Variants in STK33 observed in about 807,000 individuals in gnomAD.
STK33 encodes serine/threonine kinase 33, also known as serine/threonine-protein kinase 33.
Under a neutral mutation model 58.0 loss-of-function variants are expected in STK33, and 52 were observed. That is an observed-to-expected ratio of 0.90 (90% CI 0.72 to 1.13). STK33 has a LOEUF of 1.13. Ranked by LOEUF, STK33 falls within the 50% of genes most tolerant of loss-of-function variation. STK33 has a pLI of 0.00. For missense variants in STK33, 630 were observed against 604.2 expected, an observed-to-expected ratio of 1.04 and a Z score of -0.45; for synonymous variants, 215 against 200.1, an observed-to-expected ratio of 1.07 and a Z score of -0.63.
chr11:8,442,200 G>A (rs1944846341), intron 11 of STK33, among the ~76,000 whole-genome samples: 1 of 152,258 alleles, frequency 6.6e-6, no homozygotes, highest in South Asian at 2.1e-4. Flanking sequence ...TACTAACACT[G>A]AGCAATCTGT....
At chr11:8,575,830 T>C (rs1310922228) in intron 1 of STK33, among the ~76,000 whole-genome samples, 2 of 152,128 alleles carry the variant, frequency 1.3e-5, no homozygotes, top group Non-Finnish European at 2.9e-5. Flanking sequence ...TGAAAATCAA[T>C]CTAACTTACC....
chr11:8,555,315 C>T (rs895478793), intron 1 of STK33, among the ~76,000 whole-genome samples: 1 of 152,116 alleles, frequency 6.6e-6, no homozygotes, highest in African/African-American at 2.4e-5. Context: ...GTTTTGAGAT[C>T]TATTGCACAG....
chr11:8,573,422 T>C (rs1189334377), intron 1 of STK33, among the ~76,000 whole-genome samples: 2 of 152,160 alleles, frequency 1.3e-5, no homozygotes, highest in Non-Finnish European at 2.9e-5. Context: ...TAAAAAATAG[T>C]AGCAATACCA....
the STK33 span, among the ~76,000 whole-genome samples, chr11:8,340,751 G>C: frequency 3.9e-5 from 6 of 152,210 alleles, no homozygotes; most frequent in Non-Finnish European, 8.8e-5. Context: ...GAGCACTGGA[G>C]AGCACTGGAG....
chr11:8,392,472 C>G lies in STK33; in HGVS notation c.*38G>C. The G allele has an allele frequency of 6.2e-7, 1 of 1,610,002 alleles. No individual in the cohort carries two copies. The highest frequency in any genetic ancestry group is 8.5e-7 in the Non-Finnish European group (1 of 1,177,656). On this transcript the variant is annotated 3_prime_UTR_variant, in exon 16 of 16. Coordinates refer to ENST00000687296, the MANE Select transcript of STK33 (RefSeq NM_001352389.2). The stretch of plus-strand genomic sequence containing the variant: ...CCCCTCATCAAAGTGCTAACAAGAG[C>G]AGCTTTGTTTTTGTACTGTCCAACA...
chr11:8,464,107 A>G (rs1229030723), intron 7 of STK33, among the ~76,000 whole-genome samples: 1 of 152,222 alleles, frequency 6.6e-6, no homozygotes, highest in Admixed American at 6.5e-5. Flanking sequence ...ACAGAAATGA[A>G]AAAGGTTGAT....
intron 1 of STK33, among the ~76,000 whole-genome samples, chr11:8,588,056 C>T (rs2031999640): frequency 6.6e-6 from 1 of 152,168 alleles, no homozygotes; most frequent in Non-Finnish European, 1.5e-5. Context: ...TGGCCATCTT[C>T]CTGCTCTGTC....
chr11:8,578,982 G>C (rs1183207217), intron 1 of STK33, among the ~76,000 whole-genome samples: 1 of 151,944 alleles, frequency 6.6e-6, no homozygotes, highest in Admixed American at 6.6e-5. Context: ...AATTATCAGA[G>C]TACCTGGCAA....
intron 2 of STK33, among the ~76,000 whole-genome samples, chr11:8,477,750 G>C (rs1280755342): frequency 6.6e-6 from 1 of 152,052 alleles, no homozygotes; most frequent in South Asian, 2.1e-4. Context: ...TTTTCAATAA[G>C]TCATTATCAT....
intron 15 of STK33, among the ~76,000 whole-genome samples, chr11:8,410,200 C>T (rs1939967351): frequency 6.6e-6 from 1 of 152,170 alleles, no homozygotes; most frequent in African/African-American, 2.4e-5. Flanking sequence ...TTTTTCCTCA[C>T]AGAAACATTA....
chr11:8,589,319 T>C (rs957890979), intron 1 of STK33, among the ~76,000 whole-genome samples: 2 of 152,174 alleles, frequency 1.3e-5, no homozygotes, highest in Non-Finnish European at 2.9e-5. Context: ...TGGAATTCTA[T>C]TTGGTCATAA....
intron 1 of STK33, among the ~76,000 whole-genome samples, chr11:8,505,497 T>A (rs1303551100): frequency 6.6e-6 from 1 of 152,120 alleles, no homozygotes; most frequent in Non-Finnish European, 1.5e-5. Flanking sequence ...TTGCCCAGGT[T>A]CATCTTTTTC....
chr11:8,365,236 G>A, the STK33 span, among the ~76,000 whole-genome samples: 1 of 152,170 alleles, frequency 6.6e-6, no homozygotes, highest in Admixed American at 6.5e-5. Flanking sequence ...TGTGGGGCTG[G>A]AATTGCCTTA....
chr11:8,514,713 T>A (rs928746382), intron 1 of STK33, among the ~76,000 whole-genome samples: 1 of 152,178 alleles, frequency 6.6e-6, no homozygotes, highest in Admixed American at 6.5e-5. Context: ...ACAAACATAA[T>A]CCTTCTCTGA....
At chr11:8,424,770 G>A in intron 14 of STK33, among the ~76,000 whole-genome samples, 1 of 139,912 alleles carries the variant, frequency 7.1e-6, no homozygotes, top group East Asian at 2.1e-4. Context: ...CGTGTCTTTT[G>A]GCTGCATAAA....
chr11:8,573,141 TGTTA>T (rs535964515), intron 1 of STK33, among the ~76,000 whole-genome samples: 53 of 152,262 alleles, frequency 3.5e-4, no homozygotes, highest in African/African-American at 1.3e-3. Context: ...CAAAAGATCC[TGTTA>T]ATTATTAAAA....
chr11:8,400,192 C>G (rs1363692444), intron 15 of STK33, among the ~76,000 whole-genome samples: 1 of 152,122 alleles, frequency 6.6e-6, no homozygotes, highest in Non-Finnish European at 1.5e-5. Context: ...ACCAATATCC[C>G]TGATAAACAT....
chr11:8,469,939 C>T (rs934102331), intron 6 of STK33, among the ~76,000 whole-genome samples: 3 of 152,224 alleles, frequency 2.0e-5, no homozygotes, highest in Admixed American at 6.5e-5. Context: ...TGCTATCATT[C>T]AGGCTTTGTT....
intron 1 of STK33, among the ~76,000 whole-genome samples, chr11:8,497,387 A>C (rs913730230): frequency 1.3e-5 from 2 of 152,208 alleles, no homozygotes; most frequent in Non-Finnish European, 2.9e-5. Context: ...AAGGATCCTC[A>C]ATATCCTCCA....
Sources: allele counts gnomAD v4.1 joint callset (sites outside exome capture counted in the v4.1 genomes callset), GRCh38; gene constraint gnomAD v4.1.1; transcripts MANE v1.5; gene names NCBI Gene and HGNC (gene_info 2026-07-23, HGNC 2026-07-21).